RELN: variants seen among roughly 807,000 people sequenced by gnomAD.
RELN encodes reelin.
A neutral mutation model predicts 427.6 loss-of-function variants in RELN; 108 were observed. That is an observed-to-expected ratio of 0.25 (90% CI 0.22 to 0.30). RELN has a LOEUF of 0.30. Ranked by LOEUF, RELN falls within the 10% of genes least tolerant of loss-of-function variation. The probability of loss-of-function intolerance (pLI) is 1.00; values close to 1 mark genes in which losing one functional copy is unlikely to be tolerated. For missense variants in RELN, 3,715 were observed against 4,302.8 expected (o/e 0.86, Z 3.82); for synonymous variants, 1,524 against 1,513.4 (o/e 1.01, Z -0.16).
At position 103,701,117 on chromosome 7, in the gene RELN, T is replaced by A. The variant is rs1398731434; in HGVS notation, c.806-111A>T. On this transcript the variant is annotated intron_variant, in intron 8 of 64. Transcript: ENST00000428762. ...TTTAAACTATTAGATATTTGTCTGG[T>A]AACTTCCCCATTCTTCTAATGATGC... The A allele has an allele frequency of 5.6e-6, 4 of 716,066 alleles. No homozygotes were observed. In the African/African-American group the frequency reaches 7.0e-5, roughly 13 times the overall value. 44.4% of individuals were successfully genotyped at this position (716,066 alleles called of 1,614,324 possible).
chr7:103,889,844 A>G (rs933738687), intron 2 of RELN, among the ~76,000 whole-genome samples: 1 of 152,192 alleles, frequency 6.6e-6, no homozygotes, highest in African/African-American at 2.4e-5. Flanking sequence ...ACCAGGCACT[A>G]GAAACATTTT....
rs57390524 is a variant in RELN at position 103,738,672 on chromosome 7, C to CTTTTTT, written c.657-10471_657-10466dup. Among the ~76,000 whole-genome samples, 12 of 70,522 alleles carry CTTTTTT rather than the reference C, an allele frequency of 1.7e-4. 1 individual carries two copies. The highest frequency in any genetic ancestry group is 5.2e-4 in the African/African-American group (8 of 15,320). The allele number at this position is 70,522 out of a possible 152,430, so 46.3% of individuals were successfully genotyped here. A position where few individuals can be genotyped will look rare whatever the true frequency, so the allele number is the denominator to read the frequency against. On this transcript the variant is annotated intron_variant, in intron 6 of 64. Transcript: ENST00000428762. ...TCTGGCATCTTTCCTTCCTTCCTTCCTTTTTTTTTTTTTTTTTTTTTTTTT... is the reference window on the plus strand; with the variant it reads ...TCTGGCATCTTTCCTTCCTTCCTTCCTTTTTTTTTTTTTTTTTTTTTTTTTTTTTTT...
rs569091487 is a variant in RELN at position 103,586,697 on chromosome 7, C to T, written c.4145+2899G>A. ...ATGACTTCAGTAAAGTTTAAGGACA[C>T]AAAATAAACGTACAAAAATCAGAGC... On this transcript the variant is annotated intron_variant, in intron 28 of 64. Coordinates refer to ENST00000428762, the MANE Select transcript of RELN (RefSeq NM_005045.4). 6.6e-5 allele frequency among the ~76,000 whole-genome samples: 10 copies of T among 152,224 alleles called. No individual in the cohort carries two copies. The South Asian group carries it at 2.1e-3, about 32-fold the overall frequency.
chr7:103,649,664 A>G (rs1364948211), intron 16 of RELN, among the ~76,000 whole-genome samples: 1 of 152,070 alleles, frequency 6.6e-6, no homozygotes, highest in African/African-American at 2.4e-5. Flanking sequence ...AGAGCTTAAA[A>G]TATCTTCTGT....
chr7:103,734,204 A>T (rs1277983357), intron 6 of RELN, among the ~76,000 whole-genome samples: 1 of 152,194 alleles, frequency 6.6e-6, no homozygotes, highest in East Asian at 1.9e-4. Context: ...AAGTTAGGTA[A>T]CATATTCTTC....
In RELN at chr7:103,510,959, G is replaced by T; in HGVS notation, c.8166C>A (p.Phe2722Leu). Reference protein sequence around the residue: ...LFHDDCTVERFCDSPDGVMLC... With the variant: ...LFHDDCTVERLCDSPDGVMLC... Reference sequence around the variant, plus strand: ...GCATCACACCATCAGGGGAGTCACAGAATCTTTCTACTGTACAATCATCAT... The same window carrying T: ...GCATCACACCATCAGGGGAGTCACATAATCTTTCTACTGTACAATCATCAT... Residue 2722 changes from phenylalanine to leucine, a missense_variant, in exon 51 of 65, where the codon TTC becomes TTA. By Grantham distance (22) the Phe-to-Leu change is conservative. Coordinates refer to ENST00000428762, the MANE Select transcript of RELN (RefSeq NM_005045.4). 1 of 1,613,400 alleles carries T rather than the reference G, an allele frequency of 6.2e-7. No homozygotes were observed. Among genetic ancestry groups the T allele is most frequent in the Non-Finnish European group, 8.5e-7 (1 of 1,179,424 alleles).
rs773233905 is a variant in RELN at position 103,565,364 on chromosome 7, A to AC, written c.5123dup (p.Cys1708TrpfsTer48). ...AAATTGAACTTTCCGTGTAATGCAG[A>AC]CAGCCAATGGTTGGAGGAACACACT... is the stretch of plus-strand genomic sequence containing the variant. On this transcript the variant is annotated frameshift_variant, in exon 34 of 65. Coordinates refer to ENST00000428762, the MANE Select transcript of RELN (RefSeq NM_005045.4). LOFTEE classifies it high-confidence loss of function. 6.2e-7 allele frequency: 1 copy of AC among 1,614,116 alleles called. No homozygotes were observed. The highest frequency in any genetic ancestry group is 8.5e-7 in the Non-Finnish European group (1 of 1,180,000).
intron 3 of RELN, among the ~76,000 whole-genome samples, chr7:103,783,265 G>A (rs1253936788): frequency 6.7e-6 from 1 of 149,820 alleles, no homozygotes; most frequent in Non-Finnish European, 1.5e-5. Flanking sequence ...AAAGTGCTGG[G>A]ATTAAAAGCA....
intron 30 of RELN, among the ~76,000 whole-genome samples, chr7:103,572,560 G>A (rs1041509340): frequency 6.6e-6 from 1 of 150,848 alleles, no homozygotes; most frequent in Non-Finnish European, 1.5e-5. Flanking sequence ...TTTTTGAGAC[G>A]GAGTCTTGCT....
In RELN at chr7:103,565,288, G is replaced by C. The variant is rs362800; in HGVS notation, c.5200C>G (p.Leu1734Val). 1.7e-4 allele frequency: 271 copies of C among 1,614,136 alleles called. No individual in the cohort carries two copies. The African/African-American group carries it at 3.0e-3, about 18-fold the overall frequency. Residue 1734 changes from leucine to valine, a missense_variant, in exon 34 of 65, where the codon CTC (leucine) becomes GTC (valine). Leu to Val is a conservative substitution (Grantham distance 32). Transcript: ENST00000428762. ...AATGACAATTCTCACATGGTGGAGA[G>C]TGGAAGGTAGACAGTGATCCGCTTC... The part of the protein sequence containing the change: ...NWKRITVYLP[L>V]STISPRTRFR...
chr7:103,525,656 C>T (rs1320081564), intron 46 of RELN, among the ~76,000 whole-genome samples: 3 of 151,536 alleles, frequency 2.0e-5, no homozygotes, highest in African/African-American at 7.3e-5. Context: ...ATTTCCATAG[C>T]ACATAATTAC....
At chr7:103,877,094 GT>G (rs1233327955) in intron 2 of RELN, among the ~76,000 whole-genome samples, 2 of 152,140 alleles carry the variant, frequency 1.3e-5, no homozygotes, top group Non-Finnish European at 2.9e-5. Flanking sequence ...TCTCAGGGCT[GT>G]TTGCAAATTC....
At chr7:103,978,188 C>A (rs571232844) in intron 1 of RELN, among the ~76,000 whole-genome samples, 2 of 152,208 alleles carry the variant, frequency 1.3e-5, no homozygotes, top group South Asian at 2.1e-4. Context: ...TCTTCCTAAC[C>A]GAAATTTTCT....
At chr7:103,538,732 C>T (rs1003123454) in intron 45 of RELN, among the ~76,000 whole-genome samples, 3 of 152,030 alleles carry the variant, frequency 2.0e-5, no homozygotes, top group African/African-American at 7.2e-5. Flanking sequence ...TGATGAGAGT[C>T]CTTACTGGAA....
intron 4 of RELN, among the ~76,000 whole-genome samples, chr7:103,759,297 G>C (rs10487170): frequency 0.025 from 3,740 of 152,078 alleles, 178 homozygotes; most frequent in African/African-American, 0.086. Flanking sequence ...TGATTACGTG[G>C]AACAGTCATG....
chr7:103,775,288 C>T (rs1251102148), intron 4 of RELN, among the ~76,000 whole-genome samples: 1 of 152,030 alleles, frequency 6.6e-6, no homozygotes, highest in African/African-American at 2.4e-5. Flanking sequence ...TCTCAAAAGT[C>T]ACAGGATAAA....
At chr7:103,613,858 T>C (rs1462475749) in intron 20 of RELN, among the ~76,000 whole-genome samples, 1 of 152,216 alleles carries the variant, frequency 6.6e-6, no homozygotes, top group Non-Finnish European at 1.5e-5. Flanking sequence ...CTGAAATAAC[T>C]TAAGATTATT....
At chr7:103,979,434 T>C (rs1203488390) in intron 1 of RELN, among the ~76,000 whole-genome samples, 1 of 152,234 alleles carries the variant, frequency 6.6e-6, no homozygotes, top group Admixed American at 6.5e-5. Flanking sequence ...GGTGGACTAC[T>C]TGGAGGCAAG....
chr7:103,753,305 A>G, intron 4 of RELN, 91 bp from the exon 5 acceptor site: 1 of 1,332,996 alleles, frequency 7.5e-7, no homozygotes, highest in South Asian at 1.2e-5. Flanking sequence ...ATAAAACTTA[A>G]GTCACATTAA....
Sources: allele counts gnomAD v4.1 joint callset (sites outside exome capture counted in the v4.1 genomes callset), GRCh38; gene constraint gnomAD v4.1.1; transcripts MANE v1.5; gene names NCBI Gene and HGNC (gene_info 2026-07-23, HGNC 2026-07-21).